Variants in DIAPH2 observed in about 807,000 individuals in gnomAD.
The protein encoded by DIAPH2 is diaphanous related formin 2.
Under a neutral mutation model 92.7 loss-of-function variants are expected in DIAPH2, and 35 were observed. That is an observed-to-expected ratio of 0.38 (90% CI 0.29 to 0.50). DIAPH2 has a LOEUF of 0.50. Ranked by LOEUF, DIAPH2 falls within the 20% of genes least tolerant of loss-of-function variation. The pLI is 0.94. For missense variants in DIAPH2, 701 were observed against 819.5 expected (o/e 0.86, Z 1.77); for synonymous variants, 301 against 280.4 (o/e 1.07, Z -0.73).
intron 4 of DIAPH2, among the ~76,000 whole-genome samples, chrX:96,871,561 A>T (rs1292650515): frequency 9.2e-6 from 1 of 108,368 alleles, no homozygotes; most frequent in Non-Finnish European, 1.9e-5. Flanking sequence ...TCCAAAATAG[A>T]GGTAACAGGC....
chrX:97,192,285 C>A (rs2067659857), intron 22 of DIAPH2, among the ~76,000 whole-genome samples: 1 of 83,571 alleles, frequency 1.2e-5, no homozygotes, highest in Non-Finnish European at 2.2e-5. Context: ...GAGAGTGAGA[C>A]TCCGTCTCAA....
intron 26 of DIAPH2, among the ~76,000 whole-genome samples, chrX:97,460,483 G>A (rs2147801321): frequency 8.9e-6 from 1 of 112,348 alleles, no homozygotes; most frequent in African/African-American, 3.2e-5. Context: ...GAAAAGGAGA[G>A]TTGTCTCGCC....
intron 5 of DIAPH2, among the ~76,000 whole-genome samples, chrX:96,911,661 A>G (rs1221204302): frequency 9.0e-6 from 1 of 111,389 alleles, no homozygotes; most frequent in Non-Finnish European, 1.9e-5. Context: ...ACAATGAAAA[A>G]TAGCAGCCTG....
intron 16 of DIAPH2, among the ~76,000 whole-genome samples, chrX:96,963,577 A>G (rs1366191379): frequency 2.7e-5 from 3 of 111,412 alleles, no homozygotes; most frequent in Non-Finnish European, 5.7e-5. Context: ...CAGAGTTCAC[A>G]GTGGGAATCT....
intron 25 of DIAPH2, among the ~76,000 whole-genome samples, chrX:97,393,323 T>C (rs1486207009): frequency 8.9e-6 from 1 of 112,014 alleles, no homozygotes; most frequent in Non-Finnish European, 1.9e-5. Flanking sequence ...GACATCTTTT[T>C]AAAAGAACAG....
intron 5 of DIAPH2, among the ~76,000 whole-genome samples, chrX:96,909,593 C>T (rs933748847): frequency 3.6e-5 from 4 of 110,800 alleles, no homozygotes; most frequent in African/African-American, 9.8e-5. Flanking sequence ...CCCTTAGCAA[C>T]GGGCTCATTT....
At chrX:96,982,868 A>G (rs1046291652) in intron 17 of DIAPH2, among the ~76,000 whole-genome samples, 4 of 111,885 alleles carry the variant, frequency 3.6e-5, no homozygotes, top group Admixed American at 2.9e-4. Flanking sequence ...ATTTCCGGGC[A>G]TAAACTGAAC....
At chrX:96,777,697 A>G (rs1252959422) in intron 4 of DIAPH2, among the ~76,000 whole-genome samples, 3 of 111,769 alleles carry the variant, frequency 2.7e-5, no homozygotes. Context: ...CATAATTTTA[A>G]TTTTATTTCT....
chrX:97,433,277 G>A (rs754640276), intron 26 of DIAPH2, among the ~76,000 whole-genome samples: 40 of 111,017 alleles, frequency 3.6e-4, no homozygotes, highest in Non-Finnish European at 7.2e-4. Context: ...TTGGGAGGCT[G>A]AGGTGAGAGG....
At chrX:97,256,522 A>G (rs1484195615) in intron 23 of DIAPH2, among the ~76,000 whole-genome samples, 1 of 112,459 alleles carries the variant, frequency 8.9e-6, no homozygotes, top group Non-Finnish European at 1.9e-5. Context: ...GCAGAAAAAT[A>G]TATCAGTATG....
intron 23 of DIAPH2, among the ~76,000 whole-genome samples, chrX:97,347,771 T>TA (rs2069171912): frequency 9.0e-6 from 1 of 111,094 alleles, no homozygotes; most frequent in Non-Finnish European, 1.9e-5. Flanking sequence ...GTAATTAAGT[T>TA]AAAATGAGCT....
At chrX:97,561,530 C>G (rs1201320263) in intron 26 of DIAPH2, among the ~76,000 whole-genome samples, 1 of 112,170 alleles carries the variant, frequency 8.9e-6, no homozygotes, top group Non-Finnish European at 1.9e-5. Context: ...TTTAAATCGC[C>G]CTGTACCTAT....
intron 4 of DIAPH2, among the ~76,000 whole-genome samples, 160 bp from the exon 5 acceptor site, chrX:96,881,419 A>G (rs767812763): frequency 5.4e-5 from 6 of 111,406 alleles, no homozygotes; most frequent in Admixed American, 9.6e-5. Context: ...GTTGAGATAT[A>G]TACAACACAA....
intron 19 of DIAPH2, among the ~76,000 whole-genome samples, chrX:97,083,857 C>G (rs2066764843): frequency 9.0e-6 from 1 of 111,435 alleles, no homozygotes; most frequent in African/African-American, 3.3e-5. Flanking sequence ...ATTCTATATC[C>G]CAGGAATGGA....
At chrX:97,330,003 A>G (rs2068985487) in intron 23 of DIAPH2, among the ~76,000 whole-genome samples, 1 of 106,541 alleles carries the variant, frequency 9.4e-6, no homozygotes, top group African/African-American at 3.4e-5. Context: ...GGAGAAGGAG[A>G]AAGTCACTGA....
At chrX:96,697,397 G>C (rs1157115172) in intron 1 of DIAPH2, among the ~76,000 whole-genome samples, 1 of 110,063 alleles carries the variant, frequency 9.1e-6, no homozygotes, top group Non-Finnish European at 1.9e-5. Flanking sequence ...TGTAATCCCA[G>C]CACTTTGGGC....
intron 17 of DIAPH2, among the ~76,000 whole-genome samples, chrX:97,004,145 GTGTGCC>G (rs1376097805): frequency 1.8e-5 from 2 of 111,305 alleles, no homozygotes; most frequent in African/African-American, 6.5e-5. Flanking sequence ...CCATTTTTCT[GTGTGCC>G]TGTTTTTATG....
chrX:97,150,684 C>G (rs1002693663), intron 22 of DIAPH2, among the ~76,000 whole-genome samples: 5 of 111,879 alleles, frequency 4.5e-5, no homozygotes, highest in African/African-American at 1.6e-4. Context: ...CTCCATAATA[C>G]TTTGAACCTT....
intron 1 of DIAPH2, among the ~76,000 whole-genome samples, chrX:96,697,031 C>CTGAGCT (rs2063828966): frequency 9.0e-6 from 1 of 110,766 alleles, no homozygotes; most frequent in Non-Finnish European, 1.9e-5. Flanking sequence ...GAGAGGAACT[C>CTGAGCT]TGAGCTTGGG....
Sources: gnomAD v4.1 joint callset for allele counts (sites outside exome capture counted in the v4.1 genomes callset) on GRCh38, gnomAD v4.1.1 for gene constraint, MANE v1.5 for transcripts, NCBI Gene and HGNC (gene_info 2026-07-23, HGNC 2026-07-21) for gene names.